NPC1: variants seen among roughly 807,000 people sequenced by gnomAD.
NPC1 encodes the protein NPC intracellular cholesterol transporter 1.
NPC1 carries 85 observed loss-of-function variants against 140.4 expected under a neutral mutation model. That is an observed-to-expected ratio of 0.61 (90% CI 0.51 to 0.72). The LOEUF is 0.72. Ranked by LOEUF, NPC1 falls within the 30% of genes least tolerant of loss-of-function variation. NPC1 has a pLI of 0.00. For synonymous variants in NPC1, 656 were observed against 624.8 expected (o/e 1.05, Z -0.74); for missense variants, 1,504 against 1,623.8 (o/e 0.93, Z 1.27).
At chr18:23,526,511 C>A, downstream of NPC1, 1 of 1,124,454 alleles carries the variant, frequency 8.9e-7, no homozygotes, top group Non-Finnish European at 1.3e-6. Context: ...AAAAGCTACA[C>A]TGACTGTACT....
chr18:23,575,986 G>T (rs1239653302), intron 1 of NPC1, among the ~76,000 whole-genome samples: 1 of 151,972 alleles, frequency 6.6e-6, no homozygotes, highest in Non-Finnish European at 1.5e-5. Context: ...CACTTTGGGA[G>T]GCTGAGGCAG....
intron 4 of NPC1, among the ~76,000 whole-genome samples, chr18:23,565,825 C>T (rs1022958715): frequency 9.9e-5 from 15 of 152,148 alleles, no homozygotes; most frequent in African/African-American, 3.6e-4. Context: ...ATCCCTTATC[C>T]ACTCTGGAAA....
chr18:23,520,276 C>T (rs1367083), downstream of NPC1: 826,449 of 1,613,132 alleles, frequency 0.51, 217,782 homozygotes, highest in East Asian at 0.9. Flanking sequence ...CCGTGCTTCC[C>T]GCTCGATCGA....
Position 23,544,522 on chromosome 18 carries a change from T to G in NPC1, c.1952A>C (p.Asp651Ala), listed in dbSNP as rs752800234. ...HMKSCRRLLV[D>A]SKVSLGIAGI... ...CGCGATGCCTAGTGAGACCTTCGAA[T>G]CCACCTGAGAGAGGCGACAGACACA... Residue 651 changes from aspartate (D) to alanine (A), a missense_variant, in exon 13 of 25, where the codon GAT (aspartate) becomes GCT (alanine). Physicochemically the swap from Asp to Ala is moderately radical, Grantham distance 126 (BLOSUM62 -2). Coordinates refer to ENST00000269228, the MANE Select transcript of NPC1 (RefSeq NM_000271.5). 6.2e-7 allele frequency: 1 copy of G among 1,614,140 alleles called. No individual in the cohort carries two copies. The highest frequency in any genetic ancestry group is 2.2e-5 in the East Asian group (1 of 44,892).
At chr18:23,565,497 A>G (rs573835322) in intron 4 of NPC1, among the ~76,000 whole-genome samples, 6 of 152,242 alleles carry the variant, frequency 3.9e-5, no homozygotes, top group African/African-American at 1.4e-4. Flanking sequence ...CTGGCATTAC[A>G]AGCGAGCGCC....
At chr18:23,543,699 T>A in intron 13 of NPC1, 130 bp from the exon 14 acceptor site, 1 of 662,892 alleles carries the variant, frequency 1.5e-6, no homozygotes, top group Non-Finnish European at 2.7e-6. Flanking sequence ...CTTCTAAGCA[T>A]ATAAACTTCG....
chr18:23,508,057 C>G, intron 3 of NPC1: 1 of 1,596,278 alleles, frequency 6.3e-7, no homozygotes, highest in South Asian at 1.2e-5. Context: ...ACCCCAGGCC[C>G]TTTCTCAGCT....
At chr18:23,521,695 C>CTTT (rs371988848), downstream of NPC1, among the ~76,000 whole-genome samples, 58 of 77,948 alleles carry the variant, frequency 7.4e-4, 1 homozygote, top group South Asian at 0.022. Context: ...CACTCTCTCT[C>CTTT]TTTTTTTTTT....
intron 21 of NPC1, among the ~76,000 whole-genome samples, chr18:23,536,258 G>C (rs1050249448): frequency 2.0e-5 from 3 of 151,836 alleles, no homozygotes; most frequent in Non-Finnish European, 2.9e-5. Flanking sequence ...TTCTTCCTGG[G>C]AAAAAAAACC....
downstream of NPC1, chr18:23,524,553 G>C: frequency 6.6e-7 from 1 of 1,524,262 alleles, no homozygotes; most frequent in South Asian, 1.1e-5. Flanking sequence ...TTGTAGCCAG[G>C]GACGTTTTCA....
chr18:23,513,719 T>C (rs2057924140), intron 3 of NPC1, among the ~76,000 whole-genome samples: 1 of 152,244 alleles, frequency 6.6e-6, no homozygotes, highest in South Asian at 2.1e-4. Context: ...TTTGTTTTGT[T>C]TTGTTTTTGA....
intron 23 of NPC1, chr18:23,533,726 G>A (rs562198340): frequency 1.6e-5 from 9 of 556,754 alleles, no homozygotes; most frequent in South Asian, 5.9e-5. Context: ...CCATGGTCTC[G>A]AACCCCTGGC....
chr18:23,561,369 C>G lies in NPC1; in HGVS notation c.622G>C (p.Val208Leu), dbSNP rs372416248. ...NGQAPFTITP[V>L]FSDFPVHGME... ...GAATCTTTATACCTACCTGAAAACA[C>G]AGGAGTGATGGTAAAAGGTGCCTGT... The change falls in exon 5 of 25, where the codon GTG becomes CTG. Residue 208 changes from valine to leucine, a missense_variant. By Grantham distance (32) the Val-to-Leu change is conservative. Coordinates refer to ENST00000269228, the MANE Select transcript of NPC1 (RefSeq NM_000271.5). The G allele has an allele frequency of 6.2e-7, 1 of 1,614,024 alleles. No homozygotes were observed. Among genetic ancestry groups the G allele is most frequent in the Non-Finnish European group, 8.5e-7 (1 of 1,180,020 alleles).
chr18:23,535,454 T>C lies in NPC1; in HGVS notation c.3477+15A>G, dbSNP rs369049242. On this transcript the variant is annotated intron_variant, in intron 22 of 24. Coordinates refer to ENST00000269228, the MANE Select transcript of NPC1 (RefSeq NM_000271.5). ...ACAGGAGCTAGGGACAAACTGAGAC[T>C]GTATGAGGACTCACCATCACCAGGT... 2.3e-5 allele frequency: 36 copies of C among 1,572,462 alleles called. No homozygotes were observed. In the African/African-American group the frequency reaches 3.2e-4, roughly 14 times the overall value.
intron 20 of NPC1, 21 bp from the exon 21 acceptor site, chr18:23,536,897 G>A (rs776403005): frequency 1.3e-6 from 2 of 1,593,778 alleles, no homozygotes; most frequent in East Asian, 2.2e-5. Context: ...AATCCTGGGT[G>A]TCAAGAGAGT....
chr18:23,562,027 C>T (rs1043244348), intron 4 of NPC1, among the ~76,000 whole-genome samples: 2 of 152,160 alleles, frequency 1.3e-5, no homozygotes, highest in Non-Finnish European at 2.9e-5. Context: ...CGGTGGCTCA[C>T]ACCTGTAATT....
intron 24 of NPC1, 50 bp from the exon 25 acceptor site, chr18:23,532,334 G>T: frequency 6.2e-7 from 1 of 1,606,160 alleles, no homozygotes; most frequent in Non-Finnish European, 8.5e-7. Flanking sequence ...AAGGGAGCTA[G>T]TTGGCTGGGC....
chr18:23,577,719 C>T (rs181257733), intron 1 of NPC1, among the ~76,000 whole-genome samples: 27 of 151,920 alleles, frequency 1.8e-4, no homozygotes, highest in Non-Finnish European at 3.1e-4. Context: ...CACAGGAGGC[C>T]ACGGAGGGGG....
At chr18:23,518,491 C>T (rs1454188333), downstream of NPC1, among the ~76,000 whole-genome samples, 1 of 150,572 alleles carries the variant, frequency 6.6e-6, no homozygotes, top group Non-Finnish European at 1.5e-5. Flanking sequence ...GAGACCCTGT[C>T]TCTGAAAAAT....
Sources: allele counts gnomAD v4.1 joint callset (sites outside exome capture counted in the v4.1 genomes callset), GRCh38; gene constraint gnomAD v4.1.1; transcripts MANE v1.5; gene names NCBI Gene and HGNC (gene_info 2026-07-23, HGNC 2026-07-21).